Variants in TMEM192 observed in about 807,000 individuals in gnomAD.
TMEM192 encodes the protein transmembrane protein 192.
Under a neutral mutation model 26.7 loss-of-function variants are expected in TMEM192, and 20 were observed. The observed-to-expected ratio is 0.75, with a 90% CI of 0.53 to 1.09. The LOEUF is 1.09. Among genes scored for constraint, TMEM192 ranks in the 50% least tolerant of loss-of-function variants. The probability of loss-of-function intolerance (pLI) is 0.00; values close to 1 mark genes in which losing one functional copy is unlikely to be tolerated. For missense variants in TMEM192, 304 were observed against 322.6 expected (o/e 0.94, Z 0.44); for synonymous variants, 124 against 121.0 (o/e 1.02, Z -0.16).
intron 1 of TMEM192, among the ~76,000 whole-genome samples, chr4:165,106,427 T>G (rs1267340241): frequency 6.6e-6 from 1 of 152,194 alleles, no homozygotes; most frequent in African/African-American, 2.4e-5. Context: ...ATGGTCAATA[T>G]TAAGTGTCAA....
intron 3 of TMEM192, among the ~76,000 whole-genome samples, chr4:165,089,040 CAAAAAAAAAAAAAA>C (rs56000323): frequency 2.1e-5 from 1 of 47,290 alleles, no homozygotes; most frequent in Non-Finnish European, 3.4e-5. Flanking sequence ...GACCCTACTG[CAAAAAAAAAAAAAA>C]AAAAAAAAAA....
At position 165,071,166 on chromosome 4, in the gene TMEM192, GA is replaced by G. The variant is rs1281217976; in HGVS notation, c.*8491del. ...AAGTTAAATTTATAAATTAGGCACA[GA>G]GAGTAACAACATTAATAACAAAATA... On this transcript the variant is annotated 3_prime_UTR_variant, in exon 6 of 6. Coordinates refer to ENST00000306480, the MANE Select transcript of TMEM192 (RefSeq NM_001100389.2). The G allele has an allele frequency of 1.3e-5, 2 of 152,106 alleles. No homozygotes were observed. The highest frequency in any genetic ancestry group is 6.6e-5 in the Admixed American group (1 of 15,254). The allele number at this position is 152,106 out of a possible 1,614,324, so 9.4% of individuals were successfully genotyped here.
intron 1 of TMEM192, among the ~76,000 whole-genome samples, chr4:165,110,810 CA>C (rs1388101356): frequency 2.0e-5 from 3 of 152,218 alleles, no homozygotes; most frequent in African/African-American, 7.2e-5. Flanking sequence ...TGGGTCCTTT[CA>C]GAGGCCTTGG....
At chr4:165,091,249 C>G (rs1734755740) in intron 3 of TMEM192, among the ~76,000 whole-genome samples, 1 of 151,992 alleles carries the variant, frequency 6.6e-6, no homozygotes, top group African/African-American at 2.4e-5. Context: ...GCCTGGGTGA[C>G]AGAGCGAGAC....
At chr4:165,094,517 T>TG (rs879606871) in intron 3 of TMEM192, among the ~76,000 whole-genome samples, 3 of 150,230 alleles carry the variant, frequency 2.0e-5, no homozygotes, top group Non-Finnish European at 3.0e-5. Flanking sequence ...ATTAGACGGG[T>TG]GGGGCGGTGC....
At chr4:165,103,852 G>A (rs1366161255) in intron 1 of TMEM192, among the ~76,000 whole-genome samples, 1 of 152,000 alleles carries the variant, frequency 6.6e-6, no homozygotes, top group Non-Finnish European at 1.5e-5. Flanking sequence ...ATTTTCAGTA[G>A]AGGGAGGGTT....
intron 1 of TMEM192, among the ~76,000 whole-genome samples, chr4:165,107,590 C>T (rs966991118): frequency 6.6e-6 from 1 of 151,682 alleles, no homozygotes; most frequent in Non-Finnish European, 1.5e-5. Context: ...GCAATCCACC[C>T]ACCTTGGCCT....
At chr4:165,108,765 A>G (rs751067573) in intron 1 of TMEM192, among the ~76,000 whole-genome samples, 1 of 152,068 alleles carries the variant, frequency 6.6e-6, no homozygotes, top group African/African-American at 2.4e-5. Flanking sequence ...CTCCCCGTGC[A>G]TATCTTCAGA....
chr4:165,079,826 C>A (rs773484601), intron 5 of TMEM192, 30 bp from the exon 6 acceptor site: 3 of 1,607,200 alleles, frequency 1.9e-6, no homozygotes, highest in Non-Finnish European at 2.6e-6. Flanking sequence ...AAATGGGTTA[C>A]ACATATTCAC....
At chr4:165,088,650 A>ATGGTCTTTGTCCAATAGATAGT in intron 3 of TMEM192, 48 bp from the exon 4 acceptor site, 1 of 1,556,312 alleles carries the variant, frequency 6.4e-7, no homozygotes, top group South Asian at 1.2e-5. Flanking sequence ...AAATACATAT[A>ATGGTCTTTGTCCAATAGATAGT]TGGTCTTTGT....
rs1229591928 is a variant in TMEM192 at position 165,078,671 on chromosome 4, T to C, written c.*987A>G. ...TGAAAGTTCTAAATTCTTCTCTGAA[T>C]TTTTCAGCTATTGCTAATGGAAGGT... On this transcript the variant is annotated 3_prime_UTR_variant, in exon 6 of 6. Transcript: ENST00000306480. 1 of 152,250 alleles carries C rather than the reference T, an allele frequency of 6.6e-6. No individual in the cohort carries two copies. Among genetic ancestry groups the C allele is most frequent in the Admixed American group, 6.5e-5 (1 of 15,282 alleles). The allele number at this position is 152,250 out of a possible 1,614,324, so 9.4% of individuals were successfully genotyped here. A position where few individuals can be genotyped will look rare whatever the true frequency, so the allele number is the denominator to read the frequency against.
Position 165,079,743 on chromosome 4 carries a change from T to C in TMEM192, c.731A>G (p.Tyr244Cys), listed in dbSNP as rs200586876. Residue 244 changes from tyrosine to cysteine, a missense_variant, in exon 6 of 6, where the codon TAC (tyrosine) becomes TGC (cysteine). Physicochemically the swap from Tyr to Cys is radical, Grantham distance 194 (BLOSUM62 -2). Transcript: ENST00000306480. ...IVEKQGDTIE[Y>C]LKRHNALLSK... ...CAGCAGCGCATTGTGTCGCTTCAGG[T>C]ATTCAATGGTGTCTCCTTGCTTTTC... 4.5e-5 allele frequency: 72 copies of C among 1,614,108 alleles called. No homozygotes were observed. Among genetic ancestry groups the C allele is most frequent in the Admixed American group, 1.7e-4 (10 of 59,984 alleles).
intron 3 of TMEM192, among the ~76,000 whole-genome samples, chr4:165,099,798 A>C (rs1261526750): frequency 6.6e-6 from 1 of 152,094 alleles, no homozygotes; most frequent in Non-Finnish European, 1.5e-5. Flanking sequence ...TGTTTAAAAA[A>C]ATTAGCCGGG....
At chr4:165,105,160 A>G (rs1735136157) in intron 1 of TMEM192, among the ~76,000 whole-genome samples, 1 of 152,168 alleles carries the variant, frequency 6.6e-6, no homozygotes, top group Non-Finnish European at 1.5e-5. Context: ...ACTAGACGTC[A>G]TTGGACCCAT....
intron 5 of TMEM192, 133 bp downstream of exon 5, chr4:165,085,453 A>C: frequency 4.7e-6 from 3 of 634,386 alleles, no homozygotes; most frequent in Non-Finnish European, 8.0e-6. Flanking sequence ...TGATTTCACC[A>C]CAGCTGAAAG....
At chr4:165,100,376 T>G (rs913733592) in intron 3 of TMEM192, among the ~76,000 whole-genome samples, 10 of 152,056 alleles carry the variant, frequency 6.6e-5, no homozygotes, top group Non-Finnish European at 1.3e-4. Flanking sequence ...GCCAGGATGG[T>G]CTCGATCTCC....
intron 3 of TMEM192, among the ~76,000 whole-genome samples, chr4:165,092,112 C>CTTTCTTAATGCTGTTCT (rs1734779100): frequency 1.7e-4 from 12 of 72,074 alleles, no homozygotes; most frequent in African/African-American, 8.1e-4. Context: ...TAATGCTGTT[C>CTTTCTTAATGCTGTTCT]TTTTTTTTTT....
At chr4:165,090,213 GAAAAAAAAAAAA>G (rs35732863) in intron 3 of TMEM192, among the ~76,000 whole-genome samples, 1 of 52,080 alleles carries the variant, frequency 1.9e-5, no homozygotes, top group Non-Finnish European at 3.5e-5. Context: ...CTCCGTCTTG[GAAAAAAAAAAAA>G]AAAAAAAAAA....
Position 165,112,796 on chromosome 4 carries a change from C to T in TMEM192, c.-23G>A. 1.9e-6 allele frequency: 3 copies of T among 1,604,328 alleles called. No individual in the cohort carries two copies. Among genetic ancestry groups the T allele is most frequent in the Non-Finnish European group, 2.5e-6 (3 of 1,178,510 alleles). ...CATTTCCCGACGCCGGAGGCCGAAG[C>T]CCTGGCCAGCCCGGCCTCTCCACCT... On this transcript the variant is annotated 5_prime_UTR_variant, in exon 1 of 6. Coordinates refer to ENST00000306480, the MANE Select transcript of TMEM192 (RefSeq NM_001100389.2).
Sources: gnomAD v4.1 joint callset for allele counts (sites outside exome capture counted in the v4.1 genomes callset) on GRCh38, gnomAD v4.1.1 for gene constraint, MANE v1.5 for transcripts, NCBI Gene and HGNC (gene_info 2026-07-23, HGNC 2026-07-21) for gene names.